The following EML5 variants were observed in gnomAD, a reference collection of about 807,000 sequenced individuals.
EML5 encodes the protein EMAP like 5, also known as echinoderm microtubule-associated protein-like 5.
A neutral mutation model predicts 250.0 loss-of-function variants in EML5; 120 were observed. The observed-to-expected ratio is 0.48, with a 90% CI of 0.41 to 0.56. EML5 has a LOEUF of 0.56. Ranked by LOEUF, EML5 falls within the 20% of genes least tolerant of loss-of-function variation. The pLI, the probability that EML5 is intolerant of heterozygous loss-of-function variation, is 0.00. For missense variants in EML5, 2,006 were observed against 2,437.6 expected, an observed-to-expected ratio of 0.82 and a Z score of 3.73; for synonymous variants, 771 against 806.5, an observed-to-expected ratio of 0.96 and a Z score of 0.75.
At chr14:88,665,217 T>C in intron 22 of EML5, 120 bp downstream of exon 22, 1 of 1,091,356 alleles carries the variant, frequency 9.2e-7, no homozygotes, top group Non-Finnish European at 1.3e-6. Context: ...CTACACTGCC[T>C]CTTCTAGTAA....
intron 11 of EML5, 103 bp from the exon 12 acceptor site, chr14:88,705,691 C>T (rs902494754): frequency 1.2e-6 from 1 of 808,050 alleles, no homozygotes; most frequent in Middle Eastern, 2.3e-4. Flanking sequence ...GACATGGAGA[C>T]AAGCCATAAA....
chr14:88,767,214 A>G (rs953786200), intron 1 of EML5, among the ~76,000 whole-genome samples: 1 of 152,182 alleles, frequency 6.6e-6, no homozygotes, highest in Non-Finnish European at 1.5e-5. Context: ...ATGTTAGTTC[A>G]GTTTTAAAGT....
intron 14 of EML5, among the ~76,000 whole-genome samples, chr14:88,698,544 C>A (rs1015394324): frequency 6.6e-6 from 1 of 152,110 alleles, no homozygotes; most frequent in Non-Finnish European, 1.5e-5. Context: ...GGATTACAGG[C>A]ATGAGCCACG....
At position 88,663,127 on chromosome 14, in the gene EML5, A is replaced by C. The variant is rs978707488; in HGVS notation, c.3410-8T>G. The C allele has an allele frequency of 2.0e-6, 3 of 1,522,934 alleles. No homozygotes were observed. The highest frequency in any genetic ancestry group is 2.7e-6 in the Non-Finnish European group (3 of 1,131,654). The allele number at this position is 1,522,934 out of a possible 1,614,324, so 94.3% of individuals were successfully genotyped here. A position where few individuals can be genotyped will look rare whatever the true frequency, so the allele number is the denominator to read the frequency against. On this transcript the variant is annotated splice_polypyrimidine_tract_variant and splice_region_variant and intron_variant, in intron 23 of 43. Coordinates refer to ENST00000554922, the MANE Select transcript of EML5 (RefSeq NM_183387.3). ...TGACCTGTAAAAGCTTTCCTTCAAA[A>C]AAATTTTTAAAAATATTTACACATA...
intron 20 of EML5, among the ~76,000 whole-genome samples, chr14:88,682,911 T>C (rs899352319): frequency 3.3e-5 from 5 of 152,190 alleles, no homozygotes; most frequent in Non-Finnish European, 5.9e-5. Context: ...AAGGATTCCA[T>C]TGACCTCACT....
At chr14:88,763,758 T>G (rs2094282651) in intron 1 of EML5, among the ~76,000 whole-genome samples, 1 of 152,148 alleles carries the variant, frequency 6.6e-6, no homozygotes, top group Admixed American at 6.5e-5. Context: ...AAATACTCAA[T>G]AAAATAGCAG....
In EML5 at chr14:88,704,894, G is replaced by T. The variant is rs1001648652; in HGVS notation, c.2017C>A (p.Pro673Thr). 6.2e-7 allele frequency: 1 copy of T among 1,613,028 alleles called. No individual in the cohort carries two copies. The highest frequency in any genetic ancestry group is 8.5e-7 in the Non-Finnish European group (1 of 1,179,414). ...AAGTGTAATCGAATACTATTTCCTGGAGCCCGCTCTCTTCTTTTAGAAGTA... is the reference window on the plus strand; with the variant it reads ...AAGTGTAATCGAATACTATTTCCTGTAGCCCGCTCTCTTCTTTTAGAAGTA... The part of the protein sequence containing the change: ...SATSKRRERA[P>T]GNSIRLHFVH... The change falls in exon 13 of 44, where the codon CCA becomes ACA. Residue 673 changes from proline to threonine, a missense_variant. Coordinates refer to ENST00000554922, the MANE Select transcript of EML5 (RefSeq NM_183387.3).
intron 8 of EML5, among the ~76,000 whole-genome samples, chr14:88,721,978 GACA>G (rs2093596807): frequency 6.6e-6 from 1 of 152,142 alleles, no homozygotes; most frequent in Non-Finnish European, 1.5e-5. Context: ...CTTTTTGAAA[GACA>G]ACATTTATGT....
chr14:88,636,758 T>C (rs1298353027), intron 32 of EML5, among the ~76,000 whole-genome samples: 2 of 152,146 alleles, frequency 1.3e-5, no homozygotes, highest in African/African-American at 2.4e-5. Flanking sequence ...GGAATGTGAT[T>C]AGATGTTCTA....
At chr14:88,626,196 T>C (rs1315733994) in intron 35 of EML5, 1 of 152,284 alleles carries the variant, frequency 6.6e-6, no homozygotes, top group African/African-American at 2.4e-5. Flanking sequence ...TGTTTCTTGA[T>C]TTACCTTTCT....
intron 1 of EML5, among the ~76,000 whole-genome samples, chr14:88,781,318 T>C (rs935782713): frequency 2.6e-5 from 4 of 152,320 alleles, no homozygotes; most frequent in African/African-American, 9.6e-5. Flanking sequence ...ACTTTCACAG[T>C]TCTTCACACT....
At chr14:88,699,932 A>G (rs933917918) in intron 14 of EML5, among the ~76,000 whole-genome samples, 6 of 152,144 alleles carry the variant, frequency 3.9e-5, no homozygotes, top group Non-Finnish European at 8.8e-5. Context: ...AAATCAGTGT[A>G]TTTTTAGTGA....
At chr14:88,615,984 A>G in intron 43 of EML5, 130 bp from the exon 44 acceptor site, 2 of 1,264,134 alleles carry the variant, frequency 1.6e-6, no homozygotes, top group South Asian at 2.8e-5. Flanking sequence ...TTTATTCTGT[A>G]TTTGCATAAA....
At chr14:88,720,650 C>G (rs1252943968) in intron 8 of EML5, among the ~76,000 whole-genome samples, 1 of 152,144 alleles carries the variant, frequency 6.6e-6, no homozygotes, top group Non-Finnish European at 1.5e-5. Context: ...CTGTTTATGA[C>G]AAACCCACAG....
chr14:88,634,573 A>G (rs1024204582), intron 32 of EML5, 84 bp from the exon 33 acceptor site: 8 of 750,260 alleles, frequency 1.1e-5, no homozygotes, highest in Non-Finnish European at 1.6e-5. Flanking sequence ...TATAATTTAA[A>G]CTATTATATA....
intron 21 of EML5, among the ~76,000 whole-genome samples, chr14:88,673,368 G>A (rs1281185564): frequency 6.6e-6 from 1 of 152,142 alleles, no homozygotes; most frequent in Non-Finnish European, 1.5e-5. Flanking sequence ...AATAAACTAG[G>A]TATTGATGGA....
chr14:88,652,333 TC>T (rs2091668028), intron 27 of EML5, among the ~76,000 whole-genome samples: 2 of 152,024 alleles, frequency 1.3e-5, no homozygotes, highest in Non-Finnish European at 2.9e-5. Context: ...CCCTTAACAC[TC>T]CATCTAGACT....
At chr14:88,774,115 T>C (rs935737684) in intron 1 of EML5, among the ~76,000 whole-genome samples, 3 of 152,054 alleles carry the variant, frequency 2.0e-5, no homozygotes, top group Non-Finnish European at 4.4e-5. Flanking sequence ...CGAGACTCTG[T>C]CTCAAAAAAG....
At chr14:88,666,124 TA>T (rs2092300891) in intron 21 of EML5, among the ~76,000 whole-genome samples, 1 of 152,220 alleles carries the variant, frequency 6.6e-6, no homozygotes, top group African/African-American at 2.4e-5. Flanking sequence ...AGATTTTAAT[TA>T]ACATAAAAAG....
Sources: gnomAD v4.1 joint callset for allele counts (sites outside exome capture counted in the v4.1 genomes callset) on GRCh38, gnomAD v4.1.1 for gene constraint, MANE v1.5 for transcripts, NCBI Gene and HGNC (gene_info 2026-07-23, HGNC 2026-07-21) for gene names.